The following APPBP2 variants were observed in gnomAD, a reference collection of about 807,000 sequenced individuals.
APPBP2 encodes amyloid beta precursor protein binding protein 2.
Under a neutral mutation model 76.0 loss-of-function variants are expected in APPBP2, and 15 were observed. That is an observed-to-expected ratio of 0.20 (90% CI 0.13 to 0.30). APPBP2 has a LOEUF of 0.30. Among genes scored for constraint, APPBP2 ranks in the 10% least tolerant of loss-of-function variants. The pLI is 1.00. For synonymous variants in APPBP2, 222 were observed against 242.2 expected, an observed-to-expected ratio of 0.92 and a Z score of 0.77; for missense variants, 401 against 687.2, an observed-to-expected ratio of 0.58 and a Z score of 4.66.
chr17:60,501,394 A>G (rs1299466979), intron 1 of APPBP2, among the ~76,000 whole-genome samples: 1 of 152,092 alleles, frequency 6.6e-6, no homozygotes, highest in Admixed American at 6.6e-5. Flanking sequence ...ATGTCACCAA[A>G]TGCTTTTTGA....
rs368204527 is a variant in APPBP2 at position 60,472,154 on chromosome 17, G to GAAACAA, written c.504-5701_504-5696dup. ...AAATAAAGCAAATAAAATGAAAATGGAAACAAAAACAAAAACAAAAACAAA... is the reference window on the plus strand; with the variant it reads ...AAATAAAGCAAATAAAATGAAAATGGAAACAAAAACAAAAACAAAAACAAAAACAAA... On this transcript the variant is annotated intron_variant, in intron 4 of 12. Transcript: ENST00000083182. Among the ~76,000 whole-genome samples, 6 of 151,948 alleles carry GAAACAA rather than the reference G, an allele frequency of 3.9e-5. No homozygotes were observed. The East Asian group carries it at 5.8e-4, about 15-fold the overall frequency.
intron 1 of APPBP2, among the ~76,000 whole-genome samples, chr17:60,501,193 TC>T (rs550741440): frequency 6.6e-6 from 1 of 151,922 alleles, no homozygotes; most frequent in South Asian, 2.1e-4. Context: ...GCACCTGTAG[TC>T]TCAGCTATTT....
intron 11 of APPBP2, among the ~76,000 whole-genome samples, chr17:60,453,730 G>A (rs188682220): frequency 1.0e-3 from 156 of 151,704 alleles, no homozygotes; most frequent in African/African-American, 3.6e-3. Flanking sequence ...GTAGAGATGG[G>A]ATTTCCCTAT....
intron 3 of APPBP2, among the ~76,000 whole-genome samples, chr17:60,479,637 A>C (rs557377071): frequency 5.3e-5 from 8 of 152,352 alleles, no homozygotes; most frequent in African/African-American, 1.9e-4. Context: ...GATAAATCTG[A>C]ATATACTTAG....
At chr17:60,465,558 A>G (rs1257500428) in intron 5 of APPBP2, among the ~76,000 whole-genome samples, 2 of 152,098 alleles carry the variant, frequency 1.3e-5, no homozygotes, top group African/African-American at 4.8e-5. Context: ...AAACCCCTAA[A>G]TCCAAATGTA....
chr17:60,524,600 T>C (rs944573038), intron 1 of APPBP2, among the ~76,000 whole-genome samples: 8 of 117,528 alleles, frequency 6.8e-5, no homozygotes, highest in Admixed American at 4.4e-4. Flanking sequence ...GCCCATCAAC[T>C]GCTAATTCTG....
chr17:60,472,891 G>A (rs1387612558), intron 4 of APPBP2, among the ~76,000 whole-genome samples: 1 of 152,106 alleles, frequency 6.6e-6, no homozygotes, highest in Non-Finnish European at 1.5e-5. Flanking sequence ...ATAGGTTTAT[G>A]ACATTTTTGT....
chr17:60,477,934 G>C (rs2090602609), intron 4 of APPBP2, among the ~76,000 whole-genome samples: 1 of 151,804 alleles, frequency 6.6e-6, no homozygotes. Flanking sequence ...GAGCCCAGGA[G>C]TTGGAGACCA....
chr17:60,485,978 G>A (rs2090674151), intron 3 of APPBP2, among the ~76,000 whole-genome samples: 1 of 152,170 alleles, frequency 6.6e-6, no homozygotes, highest in Admixed American at 6.5e-5. Flanking sequence ...TTCAGGAGCA[G>A]GCTGTTCAGT....
At chr17:60,519,992 C>A (rs189890658) in intron 1 of APPBP2, among the ~76,000 whole-genome samples, 1 of 151,864 alleles carries the variant, frequency 6.6e-6, no homozygotes, top group African/African-American at 2.4e-5. Flanking sequence ...CTATGTTGCC[C>A]AGGCTGGTCT....
intron 1 of APPBP2, among the ~76,000 whole-genome samples, chr17:60,522,872 TTAAAAAAAA>T (rs1485561582): frequency 6.6e-6 from 1 of 150,460 alleles, no homozygotes; most frequent in Non-Finnish European, 1.5e-5. Context: ...TTTTTTTTTT[TTAAAAAAAA>T]GAAAAAACAT....
chr17:60,521,300 ATTACT>A (rs1181532580), intron 1 of APPBP2, among the ~76,000 whole-genome samples: 1 of 152,192 alleles, frequency 6.6e-6, no homozygotes, highest in African/African-American at 2.4e-5. Context: ...TTGTAGTTGA[ATTACT>A]TTATTTTTAA....
chr17:60,489,610 CAAAAAAAAA>C (rs746715643), intron 3 of APPBP2, among the ~76,000 whole-genome samples: 4 of 53,596 alleles, frequency 7.5e-5, no homozygotes, highest in Admixed American at 2.0e-4. Flanking sequence ...GACCATGTCT[CAAAAAAAAA>C]AAAAAAAAAA....
In APPBP2 at chr17:60,446,294, T is replaced by C. The variant is rs953054787; in HGVS notation, c.*1287A>G. ...GTCACAAATTCTTAAATTTGATTAT[T>C]ACCTCATCATTAAATAACCTGACTG... On this transcript the variant is annotated 3_prime_UTR_variant, in exon 13 of 13. Coordinates refer to ENST00000083182, the MANE Select transcript of APPBP2 (RefSeq NM_006380.5). The C allele has an allele frequency of 7.9e-5, 12 of 152,644 alleles. No homozygotes were observed. Among genetic ancestry groups the C allele is most frequent in the African/African-American group, 2.9e-4 (12 of 41,450 alleles). The allele number at this position is 152,644 out of a possible 1,614,324, so 9.5% of individuals were successfully genotyped here.
intron 3 of APPBP2, among the ~76,000 whole-genome samples, chr17:60,482,956 T>C (rs767713194): frequency 3.9e-5 from 6 of 152,202 alleles, no homozygotes; most frequent in Non-Finnish European, 7.3e-5. Context: ...AGTAATGGGA[T>C]TGCAGGGTCA....
chr17:60,452,221 T>C (rs2090400637), intron 11 of APPBP2, among the ~76,000 whole-genome samples, 176 bp from the exon 12 acceptor site: 1 of 152,222 alleles, frequency 6.6e-6, no homozygotes, highest in South Asian at 2.1e-4. Flanking sequence ...TTACAGAGTT[T>C]TGGAAACTGC....
chr17:60,508,806 T>C (rs899140161), intron 1 of APPBP2, among the ~76,000 whole-genome samples: 3 of 152,064 alleles, frequency 2.0e-5, no homozygotes, highest in Non-Finnish European at 4.4e-5. Flanking sequence ...CTGAAACCAG[T>C]GAAACCCATG....
chr17:60,484,604 T>A, intron 3 of APPBP2, among the ~76,000 whole-genome samples: 1 of 152,222 alleles, frequency 6.6e-6, no homozygotes, highest in Non-Finnish European at 1.5e-5. Context: ...AAGTTGCTTA[T>A]CAGCTTAAGG....
At chr17:60,478,136 T>C (rs982492966) in intron 4 of APPBP2, among the ~76,000 whole-genome samples, 1 of 152,156 alleles carries the variant, frequency 6.6e-6, no homozygotes, top group East Asian at 1.9e-4. Context: ...TAGAAGACTG[T>C]AAATTCAATA....
Sources: gnomAD v4.1 joint callset for allele counts (sites outside exome capture counted in the v4.1 genomes callset) on GRCh38, gnomAD v4.1.1 for gene constraint, MANE v1.5 for transcripts, NCBI Gene and HGNC (gene_info 2026-07-23, HGNC 2026-07-21) for gene names.